The following CAMK1D variants were observed in gnomAD, a reference collection of about 807,000 sequenced individuals.
CAMK1D encodes the protein calcium/calmodulin dependent protein kinase ID, also known as calcium/calmodulin-dependent protein kinase type 1D.
CAMK1D carries 9 observed loss-of-function variants against 47.7 expected under a neutral mutation model. The ratio of observed to expected loss-of-function variants is 0.19; its 90% CI spans 0.11 to 0.33. The LOEUF (loss-of-function observed/expected upper bound fraction) is 0.33. CAMK1D is among the 10% of genes least tolerant of loss of function. The probability of loss-of-function intolerance (pLI) is 1.00; values close to 1 mark genes in which losing one functional copy is unlikely to be tolerated. For synonymous variants in CAMK1D, 184 were observed against 184.9 expected (o/e 0.99, Z 0.04); for missense variants, 291 against 488.7 (o/e 0.60, Z 3.81).
At chr10:12,532,238 A>G (rs1005403605) in intron 1 of CAMK1D, among the ~76,000 whole-genome samples, 8 of 151,798 alleles carry the variant, frequency 5.3e-5, no homozygotes, top group African/African-American at 1.4e-4. Context: ...CAAAAGATAC[A>G]TATTGACCAC....
At chr10:12,758,051 A>T (rs183748836) in intron 3 of CAMK1D, among the ~76,000 whole-genome samples, 28 of 152,088 alleles carry the variant, frequency 1.8e-4, no homozygotes, top group African/African-American at 5.3e-4. Context: ...GGTTTTCACC[A>T]TGTTGGCCAG....
At position 12,758,656 on chromosome 10, in the gene CAMK1D, G is replaced by T. The variant is rs914504216; in HGVS notation, c.300-2292G>T. 3.9e-5 allele frequency among the ~76,000 whole-genome samples: 6 copies of T among 152,260 alleles called. No homozygotes were observed. The East Asian group carries it at 1.2e-3, about 29-fold the overall frequency. On this transcript the variant is annotated intron_variant, in intron 3 of 10. Coordinates refer to ENST00000619168, the MANE Select transcript of CAMK1D (RefSeq NM_153498.4). ...CAGATTTTTTCATTCAGTAGAATTCGTCCATACCTTATATATCACATAATG... is the reference window on the plus strand; with the variant it reads ...CAGATTTTTTCATTCAGTAGAATTCTTCCATACCTTATATATCACATAATG...
intron 1 of CAMK1D, among the ~76,000 whole-genome samples, chr10:12,510,252 T>TA (rs1444060674): frequency 6.6e-6 from 1 of 152,038 alleles, no homozygotes; most frequent in African/African-American, 2.4e-5. Flanking sequence ...TCATCTCCAC[T>TA]AAAAAATACA....
chr10:12,827,468 GTCTGTCTTTCTTTCTT>G (rs1310660442), intron 10 of CAMK1D, among the ~76,000 whole-genome samples: 233 of 3,798 alleles, frequency 0.061, 93 homozygotes, highest in African/African-American at 0.11. Flanking sequence ...TTCTTTGTCT[GTCTGTCTTTCTTTCTT>G]TCTTTCTTTC....
intron 3 of CAMK1D, among the ~76,000 whole-genome samples, chr10:12,697,872 G>A (rs55668705): frequency 0.18 from 26,744 of 152,088 alleles, 2,646 homozygotes; most frequent in Non-Finnish European, 0.19. Context: ...CAGCCATGGG[G>A]TGTGAAAGGT....
chr10:12,620,013 T>C (rs56155004), intron 2 of CAMK1D, among the ~76,000 whole-genome samples: 66,728 of 151,922 alleles, frequency 0.44, 17,434 homozygotes, highest in Non-Finnish European at 0.57. Flanking sequence ...TTGTTGTATG[T>C]ATCAGTAGTT....
chr10:12,581,282 CGTT>C (rs1837656341), intron 2 of CAMK1D, among the ~76,000 whole-genome samples: 1 of 152,142 alleles, frequency 6.6e-6, no homozygotes, highest in Admixed American at 6.6e-5. Flanking sequence ...CTTATCCACT[CGTT>C]GATTGATGGG....
At chr10:12,449,731 G>A (rs775443896) in intron 1 of CAMK1D, among the ~76,000 whole-genome samples, 1 of 152,190 alleles carries the variant, frequency 6.6e-6, no homozygotes, top group African/African-American at 2.4e-5. Context: ...TTGGCCGGGC[G>A]TGGTGGCCCA....
In CAMK1D at chr10:12,551,943, C is replaced by T. The variant is rs1242500137; in HGVS notation, c.93-1282C>T. On this transcript the variant is annotated intron_variant, in intron 1 of 10. Transcript: ENST00000619168. ...GGGCTTCCAGTGGTTTCTCTGGACA[C>T]GGGAACGTTGGTTTCTTGAAGCAGG... is the stretch of plus-strand genomic sequence containing the variant. Among the ~76,000 whole-genome samples, 8 of 152,140 alleles carry T rather than the reference C, an allele frequency of 5.3e-5. No homozygotes were observed. The South Asian group carries it at 6.2e-4, about 12-fold the overall frequency.
intron 2 of CAMK1D, among the ~76,000 whole-genome samples, chr10:12,615,698 AGG>A (rs1838772952): frequency 2.1e-5 from 3 of 143,198 alleles, no homozygotes; most frequent in South Asian, 4.4e-4. Context: ...TGTGGTTTGT[AGG>A]TGTCTATAGA....
At chr10:12,767,891 A>C (rs1836849232) in intron 4 of CAMK1D, among the ~76,000 whole-genome samples, 1 of 152,146 alleles carries the variant, frequency 6.6e-6, no homozygotes, top group African/African-American at 2.4e-5. Context: ...AGTTATTTTG[A>C]GACGGAGTTT....
At chr10:12,682,016 G>A (rs1832461611) in intron 3 of CAMK1D, among the ~76,000 whole-genome samples, 1 of 152,140 alleles carries the variant, frequency 6.6e-6, no homozygotes, top group African/African-American at 2.4e-5. Context: ...TCAGGAGATC[G>A]AGACCATCCT....
At chr10:12,639,291 C>T (rs892994162) in intron 2 of CAMK1D, among the ~76,000 whole-genome samples, 2 of 152,244 alleles carry the variant, frequency 1.3e-5, no homozygotes, top group African/African-American at 4.8e-5. Context: ...TCAAGACCAG[C>T]CTGATCAACA....
chr10:12,404,341 G>A (rs1199664584), intron 1 of CAMK1D, among the ~76,000 whole-genome samples: 2 of 152,184 alleles, frequency 1.3e-5, no homozygotes, highest in Non-Finnish European at 2.9e-5. Flanking sequence ...CCCTGCGCCC[G>A]GCCTTATTTG....
intron 1 of CAMK1D, among the ~76,000 whole-genome samples, chr10:12,511,762 C>G (rs1111731): frequency 0.51 from 77,397 of 152,164 alleles, 19,889 homozygotes; most frequent in South Asian, 0.61. Context: ...TATGCAGAAC[C>G]CATGGGCCGC....
chr10:12,468,571 T>C (rs1157654650), intron 1 of CAMK1D, among the ~76,000 whole-genome samples: 3 of 152,148 alleles, frequency 2.0e-5, no homozygotes, highest in South Asian at 2.1e-4. Flanking sequence ...TGGAGTGGCA[T>C]GGCATGGACA....
intron 5 of CAMK1D, among the ~76,000 whole-genome samples, chr10:12,789,615 A>G (rs538482178): frequency 1.3e-5 from 2 of 152,350 alleles, no homozygotes; most frequent in South Asian, 2.1e-4. Flanking sequence ...TCTCTTCTGA[A>G]AGGAAGTTCG....
At chr10:12,702,216 T>G (rs1833548854) in intron 3 of CAMK1D, among the ~76,000 whole-genome samples, 1 of 151,974 alleles carries the variant, frequency 6.6e-6, no homozygotes, top group Non-Finnish European at 1.5e-5. Context: ...CGGAAGACGG[T>G]GGAGGACGCT....
rs995595773 is a variant in CAMK1D at position 12,619,303 on chromosome 10, T to C, written c.225-47433T>C. On this transcript the variant is annotated intron_variant, in intron 2 of 10. Coordinates refer to ENST00000619168, the MANE Select transcript of CAMK1D (RefSeq NM_153498.4). The stretch of plus-strand genomic sequence containing the variant: ...AAATTCACATAGAGCTGGATTTTTT[T>C]TTTTTGAGACGGGGTCTTGCTCTGT... Among the ~76,000 whole-genome samples the C allele has an allele frequency of 2.6e-5, 4 of 152,126 alleles. No homozygotes were observed. In the South Asian group the frequency reaches 8.3e-4, roughly 32 times the overall value.
Sources: allele counts gnomAD v4.1 joint callset (sites outside exome capture counted in the v4.1 genomes callset), GRCh38; gene constraint gnomAD v4.1.1; transcripts MANE v1.5; gene names NCBI Gene and HGNC (gene_info 2026-07-23, HGNC 2026-07-21).